Variants in HERC2 observed in about 807,000 individuals in gnomAD.
The protein encoded by HERC2 is E3 ubiquitin-protein ligase HERC2.
HERC2 carries 102 observed loss-of-function variants against 537.7 expected under a neutral mutation model. The ratio of observed to expected loss-of-function variants is 0.19; its 90% CI spans 0.16 to 0.22. HERC2 has a LOEUF of 0.22. Ranked by LOEUF, HERC2 falls within the 10% of genes least tolerant of loss-of-function variation. The probability of loss-of-function intolerance (pLI) is 1.00; values close to 1 mark genes in which losing one functional copy is unlikely to be tolerated. For missense variants in HERC2, 4,236 were observed against 6,198.2 expected, an observed-to-expected ratio of 0.68 and a Z score of 10.63; for synonymous variants, 2,224 against 2,466.2, an observed-to-expected ratio of 0.90 and a Z score of 2.91.
At chr15:28,171,253 A>G (rs994959854) in intron 65 of HERC2, among the ~76,000 whole-genome samples, 20 of 152,360 alleles carry the variant, frequency 1.3e-4, no homozygotes, top group African/African-American at 4.8e-4. Context: ...TCGATGGTTG[A>G]GTATTCGATG....
intron 50 of HERC2, 108 bp downstream of exon 50, chr15:28,198,270 C>T: frequency 7.7e-7 from 1 of 1,299,618 alleles, no homozygotes; most frequent in Non-Finnish European, 1.1e-6. Context: ...CTCTATCTTT[C>T]TTCAACACTT....
Position 28,245,943 on chromosome 15 carries a change from T to C in HERC2, c.3515A>G (p.Asn1172Ser), listed in dbSNP as rs1903668003. The part of the protein sequence containing the change: ...GGLLEHLDRF[N>S]HLAPGKERDD... ...CCGTTCCTTTCCTGGTGCCAGATGG[T>C]TGAACCGATCCAGATGTTCCAACAG... The change falls in exon 23 of 93, where the codon AAC (asparagine) becomes AGC (serine). Residue 1172 changes from asparagine to serine, a missense_variant. Coordinates refer to ENST00000261609, the MANE Select transcript of HERC2 (RefSeq NM_004667.6). 1.9e-6 allele frequency: 3 copies of C among 1,614,038 alleles called. No individual in the cohort carries two copies. The highest frequency in any genetic ancestry group is 2.5e-6 in the Non-Finnish European group (3 of 1,180,018).
At chr15:28,251,065 G>C (rs1208607194) in intron 20 of HERC2, among the ~76,000 whole-genome samples, 1 of 152,204 alleles carries the variant, frequency 6.6e-6, no homozygotes, top group Non-Finnish European at 1.5e-5. Flanking sequence ...GAAGACACAG[G>C]AGACAACCTG....
chr15:28,115,350 C>T (rs533587865), intron 89 of HERC2, 79 bp downstream of exon 89: 2 of 923,606 alleles, frequency 2.2e-6, no homozygotes, highest in Non-Finnish European at 3.3e-6. Context: ...CCAGAGTTCA[C>T]AGCCTGACCG....
At chr15:28,128,100 C>A (rs544559641) in intron 83 of HERC2, among the ~76,000 whole-genome samples, 1 of 152,162 alleles carries the variant, frequency 6.6e-6, no homozygotes, top group Non-Finnish European at 1.5e-5. Flanking sequence ...GCAGAAACAT[C>A]GCAAAAAATC....
intron 16 of HERC2, among the ~76,000 whole-genome samples, chr15:28,259,172 G>A (rs10152883): frequency 0.022 from 3,361 of 152,236 alleles, 117 homozygotes; most frequent in African/African-American, 0.077. Flanking sequence ...CCGGCTCACT[G>A]CAATTTCTGC....
At chr15:28,116,961 C>T in intron 87 of HERC2, 52 bp downstream of exon 87, 2 of 1,612,990 alleles carry the variant, frequency 1.2e-6, no homozygotes, top group Non-Finnish European at 1.7e-6. Context: ...CCTGTGGGCT[C>T]AGGCGACCAC....
In HERC2 at chr15:28,265,929, C is replaced by G. The variant is rs2075554887; in HGVS notation, c.1644G>C (p.Gln548His). ...PKVISAFSGK[Q>H]AGKHVVHIAC... ...CGATGTGCACCACGTGCTTCCCGGC[C>G]TGCTTTCCAGAGAAGGCGGAGATCA... The change falls in exon 13 of 93, where the codon CAG becomes CAC. Residue 548 changes from glutamine to histidine, a missense_variant. Gln to His is a conservative substitution (Grantham distance 24). Around this residue, in one of 27 missense-constraint regions of HERC2, gnomAD observed 754 missense variants for 1,085.0 expected, o/e 0.69. Coordinates refer to ENST00000261609, the MANE Select transcript of HERC2 (RefSeq NM_004667.6). The surrounding 1 kb of genome is among the most constrained non-coding windows in gnomAD (Gnocchi z 4.0). The G allele has an allele frequency of 6.2e-7, 1 of 1,614,078 alleles. No homozygotes were observed.
Position 28,274,355 on chromosome 15 carries a change from C to A in HERC2, c.736G>T (p.Val246Leu). ...PEASLFDEST[V>L]SSVWLEVVER... ...ACCACCTCCAGCCACACAGAGGACA[C>A]GGTGCTCTCGTCAAAGAGCGAGGCC... Residue 246 changes from valine to leucine, a missense_variant, in exon 7 of 93, where the codon GTG (valine) becomes TTG (leucine). By Grantham distance (32) the Val-to-Leu change is conservative (BLOSUM62 1). This residue lies in a region of HERC2 where 491 missense variants were observed against 559.3 expected (regional missense o/e 0.88). Coordinates refer to ENST00000261609, the MANE Select transcript of HERC2 (RefSeq NM_004667.6). The A allele has an allele frequency of 6.2e-7, 1 of 1,614,214 alleles. No homozygotes were observed. The highest frequency in any genetic ancestry group is 8.5e-7 in the Non-Finnish European group (1 of 1,180,024).
intron 69 of HERC2, among the ~76,000 whole-genome samples, chr15:28,160,069 T>A (rs1024189955): frequency 1.3e-5 from 2 of 152,210 alleles, no homozygotes; most frequent in Admixed American, 1.3e-4. Flanking sequence ...ACAGCAAATG[T>A]TGCTGTCTGA....
chr15:28,115,658 C>G (rs966496576), intron 88 of HERC2, 117 bp from the exon 89 acceptor site: 12 of 677,980 alleles, frequency 1.8e-5, no homozygotes, highest in South Asian at 1.7e-4. Flanking sequence ...CCTTCTGAAG[C>G]AGCAACACCC....
intron 70 of HERC2, among the ~76,000 whole-genome samples, chr15:28,147,950 CGGCT>C (rs1891935449): frequency 6.6e-6 from 1 of 151,188 alleles, no homozygotes; most frequent in Admixed American, 6.6e-5. Flanking sequence ...TGGGGAAGGA[CGGCT>C]TGAGCCTGGG....
intron 35 of HERC2, among the ~76,000 whole-genome samples, chr15:28,224,292 G>A (rs887082287): frequency 3.3e-5 from 5 of 151,630 alleles, no homozygotes; most frequent in African/African-American, 9.7e-5. Context: ...CTTTATCTCC[G>A]CTCACTGCAA....
rs1245919612 is a variant in HERC2, at chr15:28,177,160, A to C, written c.9255-33T>G. 44 of 1,588,778 alleles carry C rather than the reference A, an allele frequency of 2.8e-5. No homozygotes were observed. Among genetic ancestry groups the C allele is most frequent in the Non-Finnish European group, 3.8e-5 (44 of 1,163,872 alleles). ...AAGATGAAATCAGCTCTCTACAGTCAATCTGTCCCTTCTTAGAGATGAAGG... is the reference window on the plus strand; with the variant it reads ...AAGATGAAATCAGCTCTCTACAGTCCATCTGTCCCTTCTTAGAGATGAAGG... On this transcript the variant is annotated intron_variant, in intron 60 of 92. Transcript: ENST00000261609. The surrounding 1 kb of genome is among the most constrained non-coding windows in gnomAD (Gnocchi z 5.0).
rs1405403489 is a variant in HERC2, at chr15:28,230,400, C to T, written c.4776G>A (p.Val1592=). ...ATTTAATTGCAATGGGTCTCTTGTC[C>T]ACATTTATTGGACTATGAGGCAAAA... The part of the protein sequence containing the change: ...ACILPHSPIN[V]DKRPIAIKSP... The change falls in exon 31 of 93, where the codon GTG becomes GTA. Residue 1592 remains valine, a synonymous_variant. Coordinates refer to ENST00000261609, the MANE Select transcript of HERC2 (RefSeq NM_004667.6). 6.5e-7 allele frequency: 1 copy of T among 1,543,920 alleles called. No individual in the cohort carries two copies. The highest frequency in any genetic ancestry group is 8.8e-7 in the Non-Finnish European group (1 of 1,133,324).
chr15:28,277,647 G>A (rs2075910985), intron 5 of HERC2, among the ~76,000 whole-genome samples: 1 of 152,076 alleles, frequency 6.6e-6, no homozygotes, highest in Admixed American at 6.6e-5. Context: ...ACACAACAGT[G>A]CTTGGACAAT....
At chr15:28,205,281 A>G (rs1390279534) in intron 45 of HERC2, among the ~76,000 whole-genome samples, 2 of 5,230 alleles carry the variant, frequency 3.8e-4, no homozygotes, top group Non-Finnish European at 3.4e-3. Context: ...ATCTCCCAGC[A>G]TGACTGCTCT....
chr15:28,140,058 A>G (rs1177419402), intron 78 of HERC2, among the ~76,000 whole-genome samples: 1 of 151,084 alleles, frequency 6.6e-6, no homozygotes, highest in Non-Finnish European at 1.5e-5. Context: ...ACAGAGTGAG[A>G]CTCTGTCTCA....
Position 28,245,936 on chromosome 15 carries a change from C to T in HERC2, c.3522G>A (p.Leu1174=). The T allele has an allele frequency of 5.0e-6, 8 of 1,614,124 alleles. No homozygotes were observed. Among genetic ancestry groups the T allele is most frequent in the Non-Finnish European group, 6.8e-6 (8 of 1,180,016 alleles). Residue 1174 remains leucine, a synonymous_variant, in exon 23 of 93, where the codon CTG becomes CTA. Transcript: ENST00000261609. ...GATCATCCCGTTCCTTTCCTGGTGCCAGATGGTTGAACCGATCCAGATGTT... is the reference window on the plus strand; with the variant it reads ...GATCATCCCGTTCCTTTCCTGGTGCTAGATGGTTGAACCGATCCAGATGTT... ...LLEHLDRFNH[L]APGKERDDHE...
Sources: allele counts gnomAD v4.1 joint callset (sites outside exome capture counted in the v4.1 genomes callset), GRCh38; gene constraint gnomAD v4.1.1; regional missense constraint gnomAD v4.1.1; non-coding constraint Gnocchi (gnomAD v3.1); transcripts MANE v1.5; gene names NCBI Gene and HGNC (gene_info 2026-07-23, HGNC 2026-07-21).